The following GASK1A variants were observed in gnomAD, a reference collection of about 807,000 sequenced individuals.
The protein encoded by GASK1A is golgi associated kinase 1A, also known as Golgi-associated kinase 1A.
A neutral mutation model predicts 41.2 loss-of-function variants in GASK1A; 40 were observed. The observed-to-expected ratio is 0.97, with a 90% confidence interval of 0.75 to 1.27. The LOEUF is 1.27. Among genes scored for constraint, GASK1A ranks in the 50% most tolerant of loss-of-function variants. The pLI is 0.00. For synonymous variants in GASK1A, 316 were observed against 307.1 expected (o/e 1.03, Z -0.30); for missense variants, 678 against 745.1 (o/e 0.91, Z 1.05).
At chr3:43,000,265 C>A (rs1416448017) in intron 1 of GASK1A, among the ~76,000 whole-genome samples, 1 of 143,242 alleles carries the variant, frequency 7.0e-6, no homozygotes, top group South Asian at 2.2e-4. Flanking sequence ...TCCCATCTAC[C>A]AAAACAAGAA....
chr3:42,992,225 G>A (rs752462431), intron 1 of GASK1A, among the ~76,000 whole-genome samples: 8 of 152,090 alleles, frequency 5.3e-5, no homozygotes, highest in Non-Finnish European at 8.8e-5. Flanking sequence ...TGTAATTGTC[G>A]TAATATCTTA....
intron 2 of GASK1A, among the ~76,000 whole-genome samples, chr3:43,052,294 T>C (rs1332308852): frequency 6.6e-6 from 1 of 152,162 alleles, no homozygotes; most frequent in Non-Finnish European, 1.5e-5. Context: ...GGGCGGCAGC[T>C]TCACTGAAGG....
chr3:42,992,310 A>G lies in GASK1A; in HGVS notation c.3+12665A>G, dbSNP rs544676775. Among the ~76,000 whole-genome samples the G allele has an allele frequency of 6.6e-5, 10 of 152,254 alleles. No homozygotes were observed. The South Asian group carries it at 8.3e-4, about 13-fold the overall frequency. On this transcript the variant is annotated intron_variant, in intron 1 of 4. Coordinates refer to ENST00000430121, the MANE Select transcript of GASK1A (RefSeq NM_001129908.3). The stretch of plus-strand genomic sequence containing the variant: ...GAACTGAATTCAAACCCTGCTCACC[A>G]CCTTGGGCATTTCAGTGAACCTTTA...
At chr3:43,011,197 C>G (rs2089461806) in intron 1 of GASK1A, among the ~76,000 whole-genome samples, 1 of 152,034 alleles carries the variant, frequency 6.6e-6, no homozygotes, top group African/African-American at 2.4e-5. Flanking sequence ...TCCTGGCCAA[C>G]ATGGTGAAAC....
At chr3:43,005,957 C>A (rs2089433672) in intron 1 of GASK1A, among the ~76,000 whole-genome samples, 1 of 152,180 alleles carries the variant, frequency 6.6e-6, no homozygotes, top group African/African-American at 2.4e-5. Flanking sequence ...CAGGCATCCG[C>A]TGGGGGGCTT....
At position 43,055,435 on chromosome 3, in the gene GASK1A, C is replaced by T. The variant is rs778875427; in HGVS notation, c.1417C>T (p.Arg473Trp). 3.9e-6 allele frequency: 6 copies of T among 1,550,826 alleles called. No individual in the cohort carries two copies. The highest frequency in any genetic ancestry group is 2.7e-5 in the African/African-American group (2 of 73,032). The change falls in exon 4 of 5, where the codon CGG (arginine) becomes TGG (tryptophan). Residue 473 changes from arginine (R) to tryptophan (W), a missense_variant. Arg to Trp is a moderately radical substitution (Grantham distance 101). Transcript: ENST00000430121. ...AELRLVHILV[R>W]SSDPSHLVYI... is the part of the protein sequence containing the mutation. The stretch of plus-strand genomic sequence containing the variant: ...TCTGTCCACCCTCTTCCCTGAGGTC[C>T]GGAGCAGCGATCCATCTCACCTGGT...
rs2089583042 is a variant in GASK1A at position 43,032,629 on chromosome 3, T to G, written c.366T>G (p.Ile122Met). Reference protein sequence around the residue: ...LRHPGRVRRDITLSGHPRLST... With the variant: ...LRHPGRVRRDMTLSGHPRLST... ...ATCCAGGGAGGGTGAGGAGGGACAT[T>G]ACTTTGTCAGGACATCCAAGACTCA... The change falls in exon 2 of 5, where the codon ATT becomes ATG. Residue 122 changes from isoleucine (I) to methionine (M), a missense_variant. Transcript: ENST00000430121. The G allele has an allele frequency of 1.6e-5, 25 of 1,551,564 alleles. No individual in the cohort carries two copies. The highest frequency in any genetic ancestry group is 2.2e-5 in the Non-Finnish European group (25 of 1,146,976).
chr3:43,034,743 A>C (rs2089596663), intron 2 of GASK1A, among the ~76,000 whole-genome samples: 1 of 152,182 alleles, frequency 6.6e-6, no homozygotes, highest in Non-Finnish European at 1.5e-5. Flanking sequence ...TTACCATAAA[A>C]ACCCAGCTTC....
At chr3:43,042,584 C>T (rs553779749) in intron 2 of GASK1A, among the ~76,000 whole-genome samples, 4 of 152,272 alleles carry the variant, frequency 2.6e-5, no homozygotes, top group African/African-American at 9.6e-5. Context: ...ATATTTTCCC[C>T]CGTAATTATT....
chr3:43,025,096 CG>C (rs1454574222), intron 1 of GASK1A, among the ~76,000 whole-genome samples: 1 of 152,112 alleles, frequency 6.6e-6, no homozygotes, highest in Non-Finnish European at 1.5e-5. Context: ...AGAGCACTTC[CG>C]GCATTTAGGT....
At chr3:43,025,784 C>T (rs1161481539) in intron 1 of GASK1A, among the ~76,000 whole-genome samples, 1 of 152,222 alleles carries the variant, frequency 6.6e-6, no homozygotes, top group African/African-American at 2.4e-5. Flanking sequence ...GGGCACACTC[C>T]TTTCTTCTTA....
chr3:43,050,926 C>T (rs2125692229), intron 2 of GASK1A, among the ~76,000 whole-genome samples: 1 of 152,102 alleles, frequency 6.6e-6, no homozygotes, highest in East Asian at 1.9e-4. Flanking sequence ...TCATACTTTA[C>T]TTCTCTAGGC....
intron 1 of GASK1A, among the ~76,000 whole-genome samples, chr3:43,010,228 A>G (rs1424572431): frequency 6.6e-6 from 1 of 152,150 alleles, no homozygotes; most frequent in African/African-American, 2.4e-5. Flanking sequence ...CTCAGTACCT[A>G]CAATAACAGA....
chr3:43,018,111 C>T (rs958996435), intron 1 of GASK1A, among the ~76,000 whole-genome samples: 2 of 152,198 alleles, frequency 1.3e-5, no homozygotes, highest in African/African-American at 4.8e-5. Flanking sequence ...CAGCAAAAAT[C>T]GCAGCAAAAT....
chr3:42,995,183 G>C (rs765861479), intron 1 of GASK1A, among the ~76,000 whole-genome samples: 1 of 152,160 alleles, frequency 6.6e-6, no homozygotes, highest in African/African-American at 2.4e-5. Flanking sequence ...CCTATGTTTC[G>C]TTTCTTCAGG....
rs1291313636 is a variant in GASK1A at position 42,984,761 on chromosome 3, AG to A, written c.3+5119del. On this transcript the variant is annotated intron_variant, in intron 1 of 4. Transcript: ENST00000430121. This position sits in a 1 kb window ranked among gnomAD's most constrained non-coding sequence, Gnocchi z 4.2. Reference sequence around the variant, plus strand: ...ACCGCTTTGCTTTAGAGCAGAAAGCAGGGTCCTTTAAATGAATACTTGGCAT... The same window carrying A: ...ACCGCTTTGCTTTAGAGCAGAAAGCAGGTCCTTTAAATGAATACTTGGCAT... 6.6e-6 allele frequency among the ~76,000 whole-genome samples: 1 copy of A among 152,206 alleles called. No homozygotes were observed. Among genetic ancestry groups the A allele is most frequent in the Non-Finnish European group, 1.5e-5 (1 of 68,034 alleles).
intron 4 of GASK1A, chr3:43,055,975 C>A: frequency 1.7e-6 from 1 of 574,638 alleles, no homozygotes; most frequent in Non-Finnish European, 3.1e-6. Context: ...AAGGTCTGTC[C>A]CCTGCCTTCA....
chr3:42,991,562 G>A (rs559656681), intron 1 of GASK1A, among the ~76,000 whole-genome samples: 1 of 152,330 alleles, frequency 6.6e-6, no homozygotes, highest in Non-Finnish European at 1.5e-5. Context: ...CCTGGGCTCT[G>A]AAGCAGAGGT....
intron 2 of GASK1A, among the ~76,000 whole-genome samples, chr3:43,035,898 G>T (rs2089601617): frequency 6.6e-6 from 1 of 152,222 alleles, no homozygotes; most frequent in Admixed American, 6.5e-5. Flanking sequence ...CAGCTTGTGG[G>T]CTGAGAAGCA....
Sources: allele counts gnomAD v4.1 joint callset (sites outside exome capture counted in the v4.1 genomes callset), GRCh38; gene constraint gnomAD v4.1.1; non-coding constraint Gnocchi (gnomAD v3.1); transcripts MANE v1.5; gene names NCBI Gene and HGNC (gene_info 2026-07-23, HGNC 2026-07-21).